CTDSPL2: variants seen among roughly 807,000 people sequenced by gnomAD.
The protein encoded by CTDSPL2 is CTD small phosphatase-like protein 2.
Under a neutral mutation model 60.0 loss-of-function variants are expected in CTDSPL2, and 5 were observed. The ratio of observed to expected loss-of-function variants is 0.08; its 90% CI spans 0.04 to 0.18. CTDSPL2 has a LOEUF of 0.18. Among genes scored for constraint, CTDSPL2 ranks in the 10% least tolerant of loss-of-function variants. The pLI is 1.00. For synonymous variants in CTDSPL2, 186 were observed against 189.3 expected, an observed-to-expected ratio of 0.98 and a Z score of 0.14; for missense variants, 370 against 548.8, an observed-to-expected ratio of 0.67 and a Z score of 3.26.
Position 44,512,818 on chromosome 15 carries a change from C to T in CTDSPL2, c.970-1780C>T, listed in dbSNP as rs535437447. ...TCAAGACTGATAGGATTAGGCCGGG[C>T]GGAGTGGCTCACGCCTGTAATCCCA... On this transcript the variant is annotated intron_variant, in intron 8 of 12. Coordinates refer to ENST00000260327, the MANE Select transcript of CTDSPL2 (RefSeq NM_016396.3). 4.7e-4 allele frequency among the ~76,000 whole-genome samples: 72 copies of T among 152,140 alleles called. 2 individuals carry two copies. The South Asian group carries it at 5.4e-3, about 11-fold the overall frequency.
intron 8 of CTDSPL2, among the ~76,000 whole-genome samples, chr15:44,511,880 A>G (rs1359010477): frequency 1.3e-5 from 2 of 151,300 alleles, no homozygotes; most frequent in Non-Finnish European, 2.9e-5. Context: ...AAAAAAAAAA[A>G]AAAAAAAAAA....
intron 1 of CTDSPL2, among the ~76,000 whole-genome samples, chr15:44,436,967 C>T (rs1307777390): frequency 6.6e-6 from 1 of 151,986 alleles, no homozygotes; most frequent in Non-Finnish European, 1.5e-5. Context: ...TTGGAAAGGA[C>T]CCAAGTTTAA....
intron 2 of CTDSPL2, among the ~76,000 whole-genome samples, chr15:44,483,262 CAAAAAA>C (rs764227469): frequency 2.6e-5 from 2 of 78,276 alleles, no homozygotes; most frequent in Admixed American, 1.5e-4. Context: ...GACTCTGTCT[CAAAAAA>C]AAAAAAAAGA....
At chr15:44,472,182 T>C (rs1019353748) in intron 2 of CTDSPL2, among the ~76,000 whole-genome samples, 1 of 152,204 alleles carries the variant, frequency 6.6e-6, no homozygotes, top group Non-Finnish European at 1.5e-5. Context: ...TGTATGGACA[T>C]CTGTTTTCCG....
At chr15:44,446,144 T>G (rs1206314100) in intron 1 of CTDSPL2, among the ~76,000 whole-genome samples, 1 of 151,696 alleles carries the variant, frequency 6.6e-6, no homozygotes, top group Non-Finnish European at 1.5e-5. Context: ...CAGGCAGTTC[T>G]CGAACTCCTG....
intron 8 of CTDSPL2, among the ~76,000 whole-genome samples, chr15:44,508,766 C>CA (rs1233573517): frequency 1.3e-5 from 2 of 152,096 alleles, no homozygotes; most frequent in African/African-American, 4.8e-5. Context: ...ACTAAAAATA[C>CA]AAAAAACTTA....
intron 1 of CTDSPL2, among the ~76,000 whole-genome samples, chr15:44,458,435 G>A (rs1382340388): frequency 6.6e-6 from 1 of 152,164 alleles, no homozygotes; most frequent in Non-Finnish European, 1.5e-5. Context: ...TGGTAAGATA[G>A]GACTTTCTCA....
intron 1 of CTDSPL2, among the ~76,000 whole-genome samples, chr15:44,445,325 C>A (rs2080187960): frequency 6.6e-6 from 1 of 151,830 alleles, no homozygotes; most frequent in African/African-American, 2.4e-5. Flanking sequence ...GTAGTTGGGA[C>A]TATAGGCATG....
In CTDSPL2 at chr15:44,497,019, A is replaced by T. The variant is rs780257276; in HGVS notation, c.771-8A>T. On this transcript the variant is annotated splice_polypyrimidine_tract_variant and splice_region_variant and intron_variant, in intron 6 of 12. Coordinates refer to ENST00000260327, the MANE Select transcript of CTDSPL2 (RefSeq NM_016396.3). Reference sequence around the variant, plus strand: ...AATGTTGAAATTTTCTTAAAATCTGATTTATAGCTATTATTTCATCAAACA... The same window carrying T: ...AATGTTGAAATTTTCTTAAAATCTGTTTTATAGCTATTATTTCATCAAACA... The T allele has an allele frequency of 6.6e-7, 1 of 1,519,658 alleles. No homozygotes were observed. The highest frequency in any genetic ancestry group is 9.1e-7 in the Non-Finnish European group (1 of 1,098,354). The allele number at this position is 1,519,658 out of a possible 1,614,324, so 94.1% of individuals were successfully genotyped here.
Position 44,524,449 on chromosome 15 carries a change from G to T in CTDSPL2, c.*275G>T, listed in dbSNP as rs2140877474. 3.0e-6 allele frequency: 1 copy of T among 328,982 alleles called. No individual in the cohort carries two copies. The highest frequency in any genetic ancestry group is 5.3e-5 in the East Asian group (1 of 18,972). 20.4% of individuals were successfully genotyped at this position (328,982 alleles called of 1,614,324 possible). On this transcript the variant is annotated 3_prime_UTR_variant, in exon 13 of 13. Transcript: ENST00000260327. Reference sequence around the variant, plus strand: ...GTACAGGACATCTGCAGTTTATAAAGAATTCTGTTTCTGCCACCAGCAGTT... The same window carrying T: ...GTACAGGACATCTGCAGTTTATAAATAATTCTGTTTCTGCCACCAGCAGTT...
chr15:44,458,866 G>C (rs904820302), intron 1 of CTDSPL2, 125 bp from the exon 2 acceptor site: 1 of 500,612 alleles, frequency 2.0e-6, no homozygotes, highest in African/African-American at 2.0e-5. Flanking sequence ...CAGTCTCCTA[G>C]AGTCTAGGAC....
At chr15:44,462,577 A>G (rs929684807) in intron 2 of CTDSPL2, among the ~76,000 whole-genome samples, 2 of 151,682 alleles carry the variant, frequency 1.3e-5, no homozygotes, top group Non-Finnish European at 2.9e-5. Context: ...GATAGGGCTT[A>G]GGCAGTAATG....
intron 1 of CTDSPL2, among the ~76,000 whole-genome samples, chr15:44,456,338 C>T (rs146848459): frequency 2.2e-3 from 338 of 152,240 alleles, no homozygotes; most frequent in African/African-American, 7.8e-3. Flanking sequence ...ACTTGTACCT[C>T]TGGTAGAATT....
chr15:44,454,695 A>G (rs1038605524), intron 1 of CTDSPL2, among the ~76,000 whole-genome samples: 3 of 152,102 alleles, frequency 2.0e-5, no homozygotes, highest in Admixed American at 1.3e-4. Context: ...TCCTTTCCCC[A>G]TTTCTTGTTT....
intron 2 of CTDSPL2, among the ~76,000 whole-genome samples, chr15:44,480,863 A>G (rs1201673021): frequency 6.6e-6 from 1 of 152,170 alleles, no homozygotes; most frequent in Admixed American, 6.5e-5. Flanking sequence ...TACAGATTTT[A>G]GAGAAGACAT....
At chr15:44,461,149 G>T (rs1322289017) in intron 2 of CTDSPL2, among the ~76,000 whole-genome samples, 1 of 152,112 alleles carries the variant, frequency 6.6e-6, no homozygotes, top group African/African-American at 2.4e-5. Flanking sequence ...ATTCATGAAA[G>T]ATAAAAACCA....
At chr15:44,521,832 G>A (rs915946375) in intron 12 of CTDSPL2, among the ~76,000 whole-genome samples, 2 of 149,950 alleles carry the variant, frequency 1.3e-5, no homozygotes, top group Non-Finnish European at 3.0e-5. Flanking sequence ...CAGCTACTCG[G>A]GAGGCTGAGG....
chr15:44,509,783 G>A (rs1192756577), intron 8 of CTDSPL2, among the ~76,000 whole-genome samples: 2 of 151,766 alleles, frequency 1.3e-5, no homozygotes, highest in African/African-American at 4.8e-5. Flanking sequence ...AAAATTAGCC[G>A]GTTGTGGTGG....
Position 44,525,360 on chromosome 15 carries a change from C to T in CTDSPL2, c.*1186C>T. 1 of 398,758 alleles carries T rather than the reference C, an allele frequency of 2.5e-6. No individual in the cohort carries two copies. Among genetic ancestry groups the T allele is most frequent in the Non-Finnish European group, 4.4e-6 (1 of 225,882 alleles). 24.7% of individuals were successfully genotyped at this position (398,758 alleles called of 1,614,324 possible). A position where few individuals can be genotyped will look rare whatever the true frequency, so the allele number is the denominator to read the frequency against. On this transcript the variant is annotated 3_prime_UTR_variant, in exon 13 of 13. Coordinates refer to ENST00000260327, the MANE Select transcript of CTDSPL2 (RefSeq NM_016396.3). ...TGCTATATGAAAATAGTCTTCAAGC[C>T]TTGGTTCTCTAATGCAGCTACCACA...
Sources: allele counts gnomAD v4.1 joint callset (sites outside exome capture counted in the v4.1 genomes callset), GRCh38; gene constraint gnomAD v4.1.1; transcripts MANE v1.5; gene names NCBI Gene and HGNC (gene_info 2026-07-23, HGNC 2026-07-21).